The following ZMIZ1 variants were observed in gnomAD, a reference collection of about 807,000 sequenced individuals.
ZMIZ1 encodes zinc finger MIZ-type containing 1, also known as zinc finger MIZ domain-containing protein 1.
In ZMIZ1, 17 loss-of-function variants were observed where a neutral mutation model predicts 113.9. The ratio of observed to expected loss-of-function variants is 0.15; its 90% CI spans 0.10 to 0.22. ZMIZ1 has a LOEUF of 0.22. Among genes scored for constraint, ZMIZ1 ranks in the 10% least tolerant of loss-of-function variants. The pLI, the probability that ZMIZ1 is intolerant of heterozygous loss-of-function variation, is 1.00. For synonymous variants in ZMIZ1, 607 were observed against 603.1 expected (o/e 1.01, Z -0.09); for missense variants, 1,059 against 1,477.8 (o/e 0.72, Z 4.65).
In ZMIZ1 at chr10:79,220,164, A is replaced by G. The variant is rs377380116; in HGVS notation, c.280+3890A>G. Among the ~76,000 whole-genome samples, 18 of 152,168 alleles carry G rather than the reference A, an allele frequency of 1.2e-4. No homozygotes were observed. In the East Asian group the frequency reaches 2.3e-3, roughly 20 times the overall value. ...GTCTGTGAAGAGAGCTGATTTGCCC[A>G]CCTCATGGGCTGCCTGTGAGGATGC... On this transcript the variant is annotated intron_variant, in intron 7 of 24. Coordinates refer to ENST00000334512, the MANE Select transcript of ZMIZ1 (RefSeq NM_020338.4).
intron 1 of ZMIZ1, among the ~76,000 whole-genome samples, chr10:79,105,515 A>T (rs1312501139): frequency 2.6e-5 from 4 of 152,204 alleles, no homozygotes; most frequent in African/African-American, 9.7e-5. Context: ...GTTCATGTTA[A>T]TCAGGACTGA....
chr10:79,300,058 G>A (rs1202756272), intron 16 of ZMIZ1, among the ~76,000 whole-genome samples: 2 of 152,232 alleles, frequency 1.3e-5, no homozygotes, highest in African/African-American at 4.8e-5. Context: ...GCTGGGTGAG[G>A]TGGCCACAGA....
At chr10:79,279,204 G>A (rs1375459156) in intron 8 of ZMIZ1, among the ~76,000 whole-genome samples, 2 of 149,802 alleles carry the variant, frequency 1.3e-5, no homozygotes, top group Admixed American at 6.6e-5. Flanking sequence ...CTCACTTCCC[G>A]GACGGGGCGG....
intron 6 of ZMIZ1, 32 bp from the exon 7 acceptor site, chr10:79,216,137 A>G: frequency 7.0e-7 from 1 of 1,437,940 alleles, no homozygotes; most frequent in East Asian, 2.7e-5. Flanking sequence ...GGGCTCCGTG[A>G]CTCACCTGCC....
Position 79,093,901 on chromosome 10 carries a change from G to A in ZMIZ1, c.-337+24631G>A, listed in dbSNP as rs376054383. On this transcript the variant is annotated intron_variant, in intron 1 of 24. Coordinates refer to ENST00000334512, the MANE Select transcript of ZMIZ1 (RefSeq NM_020338.4). ...GTGTATTGGGGAGATAAAAGAGCCCGTTTGGGATGATTTTTATCAGCTCGA... is the reference window on the plus strand; with the variant it reads ...GTGTATTGGGGAGATAAAAGAGCCCATTTGGGATGATTTTTATCAGCTCGA... Among the ~76,000 whole-genome samples, 105 of 152,340 alleles carry A rather than the reference G, an allele frequency of 6.9e-4. 1 individual carries two copies. Among genetic ancestry groups the A allele is most frequent in the African/African-American group, 2.3e-3 (97 of 41,586 alleles).
chr10:79,078,562 A>G (rs968412633), intron 1 of ZMIZ1, among the ~76,000 whole-genome samples: 1 of 77,598 alleles, frequency 1.3e-5, no homozygotes. Flanking sequence ...GACACCACCC[A>G]CCCCCGACTT....
At chr10:79,138,964 C>T (rs12359276) in intron 2 of ZMIZ1, among the ~76,000 whole-genome samples, 4,414 of 151,902 alleles carry the variant, frequency 0.029, 75 homozygotes, top group Non-Finnish European at 0.041. Flanking sequence ...ACCAAGAATC[C>T]TAAAGAGCGT....
chr10:79,298,973 G>A, intron 15 of ZMIZ1, 77 bp from the exon 16 acceptor site: 1 of 1,528,498 alleles, frequency 6.5e-7, no homozygotes. Flanking sequence ...AGCCCAGGGT[G>A]AGCAAGTCCC....
chr10:79,206,835 C>T (rs1466136428), intron 5 of ZMIZ1, among the ~76,000 whole-genome samples: 2 of 152,250 alleles, frequency 1.3e-5, no homozygotes, highest in African/African-American at 4.8e-5. Context: ...TGCCCTCTTT[C>T]TCTCCTACAT....
At chr10:79,239,557 C>T (rs957591365) in intron 7 of ZMIZ1, among the ~76,000 whole-genome samples, 1 of 152,204 alleles carries the variant, frequency 6.6e-6, no homozygotes, top group Non-Finnish European at 1.5e-5. Flanking sequence ...TGAAGAAGAG[C>T]TCTGTGTCTC....
At chr10:79,132,819 C>G (rs1011467290) in intron 2 of ZMIZ1, among the ~76,000 whole-genome samples, 6 of 152,142 alleles carry the variant, frequency 3.9e-5, no homozygotes, top group Admixed American at 2.0e-4. Context: ...GGCCCCTCAC[C>G]CCTGAGTTCA....
intron 8 of ZMIZ1, among the ~76,000 whole-genome samples, chr10:79,280,704 C>G (rs892462194): frequency 6.0e-5 from 9 of 150,606 alleles, no homozygotes; most frequent in Non-Finnish European, 1.2e-4. Flanking sequence ...CTTCTGATGA[C>G]TGCCCTCTTC....
At chr10:79,127,547 A>G (rs1270949163) in intron 2 of ZMIZ1, among the ~76,000 whole-genome samples, 5 of 150,642 alleles carry the variant, frequency 3.3e-5, no homozygotes, top group Admixed American at 3.3e-4. Flanking sequence ...TGTCACCCTC[A>G]TAATATCAAG....
chr10:79,184,444 G>A (rs752989994), intron 4 of ZMIZ1, among the ~76,000 whole-genome samples: 1 of 152,192 alleles, frequency 6.6e-6, no homozygotes. Context: ...AGGGATAATT[G>A]TGCCTGCCCC....
At chr10:79,244,024 T>C (rs964112374) in intron 7 of ZMIZ1, among the ~76,000 whole-genome samples, 1 of 152,190 alleles carries the variant, frequency 6.6e-6, no homozygotes, top group African/African-American at 2.4e-5. Flanking sequence ...AAGTGTTGGC[T>C]CTCCAGCAGA....
At chr10:79,152,411 G>C (rs1432024641) in intron 3 of ZMIZ1, among the ~76,000 whole-genome samples, 1 of 152,152 alleles carries the variant, frequency 6.6e-6, no homozygotes, top group Non-Finnish European at 1.5e-5. Flanking sequence ...GAGGTGGGAG[G>C]ATCGCTTGAG....
rs185993980 is a variant in ZMIZ1, at chr10:79,240,039, C to T, written c.280+23765C>T. Among the ~76,000 whole-genome samples, 71 of 152,292 alleles carry T rather than the reference C, an allele frequency of 4.7e-4. No individual in the cohort carries two copies. The East Asian group carries it at 7.3e-3, about 16-fold the overall frequency. On this transcript the variant is annotated intron_variant, in intron 7 of 24. Transcript: ENST00000334512. ...CGGCTGCAGCGCCGTGATTTATCGGCGGCTCCTCCTCGCCAGGGCCCACGG... is the reference window on the plus strand; with the variant it reads ...CGGCTGCAGCGCCGTGATTTATCGGTGGCTCCTCCTCGCCAGGGCCCACGG...
chr10:79,254,578 A>G (rs1850760023), intron 7 of ZMIZ1, among the ~76,000 whole-genome samples: 1 of 152,150 alleles, frequency 6.6e-6, no homozygotes, highest in Non-Finnish European at 1.5e-5. Flanking sequence ...AAGCTCACAA[A>G]AGTACCACAG....
At chr10:79,189,275 C>T (rs954927234) in intron 4 of ZMIZ1, among the ~76,000 whole-genome samples, 1 of 152,176 alleles carries the variant, frequency 6.6e-6, no homozygotes, top group African/African-American at 2.4e-5. Context: ...TCTGAGGCGC[C>T]CTGTTGAGCT....
Sources: allele counts gnomAD v4.1 joint callset (sites outside exome capture counted in the v4.1 genomes callset), GRCh38; gene constraint gnomAD v4.1.1; transcripts MANE v1.5; gene names NCBI Gene and HGNC (gene_info 2026-07-23, HGNC 2026-07-21).